Variants in NTN5 observed in about 807,000 individuals in gnomAD.
The protein encoded by NTN5 is netrin-5.
A neutral mutation model predicts 38.7 loss-of-function variants in NTN5; 42 were observed. That is an observed-to-expected ratio of 1.08 (90% CI 0.85 to 1.40). NTN5 has a LOEUF of 1.40. NTN5 is among the 40% of genes most tolerant of loss of function. The probability of loss-of-function intolerance (pLI) is 0.00; values close to 1 mark genes in which losing one functional copy is unlikely to be tolerated. For synonymous variants in NTN5, 329 were observed against 303.9 expected (o/e 1.08, Z -0.86); for missense variants, 658 against 716.5 (o/e 0.92, Z 0.93).
intron 6 of NTN5, chr19:48,663,090 C>G: frequency 2.5e-6 from 1 of 405,170 alleles, no homozygotes; most frequent in Non-Finnish European, 4.9e-6. Flanking sequence ...GGCTAAGGCT[C>G]AAATATCTGG....
At chr19:48,664,440 T>G in intron 3 of NTN5, 139 bp downstream of exon 3, 2 of 764,920 alleles carry the variant, frequency 2.6e-6, no homozygotes, top group Non-Finnish European at 3.4e-6. Context: ...CAGCCCCTCC[T>G]CCCTCAGGCC....
At chr19:48,666,988 G>A (rs993244269) in intron 2 of NTN5, among the ~76,000 whole-genome samples, 8 of 151,986 alleles carry the variant, frequency 5.3e-5, no homozygotes, top group East Asian at 3.9e-4. Context: ...CTGAGAGCCC[G>A]GAAGAGTTGT....
At chr19:48,669,849 C>CCATCACCACCACCATCACCAT (rs2031885428) in intron 2 of NTN5, among the ~76,000 whole-genome samples, 11 of 117,202 alleles carry the variant, frequency 9.4e-5, no homozygotes, top group Non-Finnish European at 2.1e-4. Flanking sequence ...ACCACCACTA[C>CCATCACCACCACCATCACCAT]CATCACCACC....
At chr19:48,667,552 G>A (rs1342589751) in intron 2 of NTN5, 1 of 172,472 alleles carries the variant, frequency 5.8e-6, no homozygotes, top group Non-Finnish European at 1.3e-5. Context: ...TGATCTTCAT[G>A]TATGAAGAAA....
chr19:48,672,039 C>A (rs2122149994), intron 1 of NTN5, among the ~76,000 whole-genome samples: 1 of 152,264 alleles, frequency 6.6e-6, no homozygotes, highest in East Asian at 1.9e-4. Flanking sequence ...GGACTTTCTG[C>A]TCACCTCAAC....
At chr19:48,670,241 G>T in intron 2 of NTN5, 115 bp downstream of exon 2, 1 of 1,116,626 alleles carries the variant, frequency 9.0e-7, no homozygotes. Flanking sequence ...AGACTGGGGT[G>T]AGAGGCAAGG....
In NTN5 at chr19:48,661,849, C is replaced by G; in HGVS notation, c.1298G>C (p.Gly433Ala). 1 of 1,338,698 alleles carries G rather than the reference C, an allele frequency of 7.5e-7. No homozygotes were observed. Among genetic ancestry groups the G allele is most frequent in the South Asian group, 1.6e-5 (1 of 60,896 alleles). 82.9% of individuals were successfully genotyped at this position (1,338,698 alleles called of 1,614,324 possible). ...GGGGTCGGGGTCGCCCACGGCGCTG[C>G]CCAGCAGCAGGTAGTCGGTGCCTGG... ...LQPGTDYLLLGSAVGDPDPTR... is the reference protein window; with the variant it reads ...LQPGTDYLLLASAVGDPDPTR... The change falls in exon 7 of 7, where the codon GGC becomes GCC. Residue 433 changes from glycine (G) to alanine (A), a missense_variant. Coordinates refer to ENST00000270235, the MANE Select transcript of NTN5 (RefSeq NM_145807.4).
chr19:48,666,811 G>A (rs67824186), intron 2 of NTN5, among the ~76,000 whole-genome samples: 78,675 of 149,892 alleles, frequency 0.52, 22,193 homozygotes, highest in Middle Eastern at 0.74. Context: ...AGCCTCCTCG[G>A]TAGCTGGGTC....
chr19:48,670,243 G>C (rs2031918207), intron 2 of NTN5, 113 bp downstream of exon 2: 1 of 1,146,060 alleles, frequency 8.7e-7, no homozygotes, highest in Non-Finnish European at 1.2e-6. Context: ...ACTGGGGTGA[G>C]AGGCAAGGAG....
At chr19:48,666,318 C>T (rs1485234818) in intron 2 of NTN5, among the ~76,000 whole-genome samples, 2 of 152,148 alleles carry the variant, frequency 1.3e-5, no homozygotes, top group African/African-American at 4.8e-5. Flanking sequence ...TTTAAGGTGG[C>T]TCTCAAACCT....
chr19:48,668,921 C>T (rs74908956), intron 2 of NTN5, among the ~76,000 whole-genome samples: 1,783 of 151,282 alleles, frequency 0.012, 39 homozygotes, highest in African/African-American at 0.041. Flanking sequence ...TGCTCGGAAA[C>T]TGTTATTACA....
intron 2 of NTN5, among the ~76,000 whole-genome samples, chr19:48,669,831 TCACCATCACCACCACTAC>T (rs2031883002): frequency 2.1e-5 from 1 of 46,536 alleles, no homozygotes; most frequent in Non-Finnish European, 4.7e-5. Flanking sequence ...ACCACCACCA[TCACCATCACCACCACTAC>T]CATCACCACC....
chr19:48,671,361 A>C (rs954280652), intron 1 of NTN5, among the ~76,000 whole-genome samples: 5 of 151,366 alleles, frequency 3.3e-5, no homozygotes, highest in African/African-American at 1.2e-4. Context: ...AGAGACAAGC[A>C]GGGCTGGGCA....
At chr19:48,668,471 G>A (rs1412419516) in intron 2 of NTN5, among the ~76,000 whole-genome samples, 2 of 152,192 alleles carry the variant, frequency 1.3e-5, no homozygotes, top group Non-Finnish European at 2.9e-5. Context: ...CTTGCCCAAG[G>A]TCTCACAGCA....
rs139133976 is a variant in NTN5, at chr19:48,670,820, C to T, written c.167G>A (p.Gly56Asp). Residue 56 changes from glycine (G) to aspartate (D), a missense_variant, in exon 2 of 7, where the codon GGC becomes GAC. Coordinates refer to ENST00000270235, the MANE Select transcript of NTN5 (RefSeq NM_145807.4). ...GCTGCCATTGCAGGTTTCCCTGGCG[C>T]CAAGGTGGTTTCCTGGGGACAGGGC... ...ACALSPGNHL[G>D]ARETCNGSLT... The T allele has an allele frequency of 7.6e-4, 1,227 of 1,612,974 alleles. 3 individuals are homozygous for T. Among genetic ancestry groups the T allele is most frequent in the South Asian group, 1.8e-3 (166 of 91,092 alleles).
Position 48,663,805 on chromosome 19 carries a change from T to C in NTN5, c.980A>G (p.Glu327Gly). The C allele has an allele frequency of 6.2e-7, 1 of 1,614,052 alleles. No homozygotes were observed. Among genetic ancestry groups the C allele is most frequent in the East Asian group, 2.2e-5 (1 of 44,890 alleles). Residue 327 changes from glutamate to glycine, a missense_variant, in exon 5 of 7, where the codon GAG (glutamate) becomes GGG (glycine). By Grantham distance (98) the Glu-to-Gly change is moderately conservative. Transcript: ENST00000270235. ...AGTAGTGGCAAGGGTGGTTGTTGCC[T>C]CTGGAATTCCTGTGAGACCAAAGGA... ...SPRMPCQRIP[E>G]ATTTLATTPG...
rs2031986413 is a variant in NTN5 at position 48,672,475 on chromosome 19, G to A, written c.-21+457C>T. ...GCCCCAGCCTGGCCTCACTGCCCATGTCCCCACTGCTGTTGGCCACATGCA... is the reference window on the plus strand; with the variant it reads ...GCCCCAGCCTGGCCTCACTGCCCATATCCCCACTGCTGTTGGCCACATGCA... On this transcript the variant is annotated intron_variant, in intron 1 of 6. Coordinates refer to ENST00000270235, the MANE Select transcript of NTN5 (RefSeq NM_145807.4). Among the ~76,000 whole-genome samples, 4 of 152,264 alleles carry A rather than the reference G, an allele frequency of 2.6e-5. No individual in the cohort carries two copies. The Middle Eastern group carries it at 0.01, about 388-fold the overall frequency.
chr19:48,670,134 G>T (rs2031915951), intron 2 of NTN5, among the ~76,000 whole-genome samples: 5 of 151,756 alleles, frequency 3.3e-5, no homozygotes. Flanking sequence ...GCTGATGAGT[G>T]TTGGGGAGAG....
chr19:48,665,057 C>T (rs1344133444), intron 2 of NTN5, among the ~76,000 whole-genome samples: 2 of 151,450 alleles, frequency 1.3e-5, no homozygotes, highest in African/African-American at 2.4e-5. Context: ...GAACTACAGG[C>T]ACGTGCCACC....
Sources: allele counts gnomAD v4.1 joint callset (sites outside exome capture counted in the v4.1 genomes callset), GRCh38; gene constraint gnomAD v4.1.1; transcripts MANE v1.5; gene names NCBI Gene and HGNC (gene_info 2026-07-23, HGNC 2026-07-21).